NR3C2: variants seen among roughly 807,000 people sequenced by gnomAD.
NR3C2 encodes nuclear receptor subfamily 3 group C member 2, also known as mineralocorticoid receptor.
Under a neutral mutation model 86.4 loss-of-function variants are expected in NR3C2, and 15 were observed. That is an observed-to-expected ratio of 0.17 (90% CI 0.12 to 0.27). The LOEUF (loss-of-function observed/expected upper bound fraction) is 0.27, where lower values mean the gene tolerates loss of function less well. Ranked by LOEUF, NR3C2 falls within the 10% of genes least tolerant of loss-of-function variation. NR3C2 has a pLI of 1.00. For synonymous variants in NR3C2, 458 were observed against 450.5 expected, an observed-to-expected ratio of 1.02 and a Z score of -0.21; for missense variants, 960 against 1,195.6, an observed-to-expected ratio of 0.80 and a Z score of 2.91.
At chr4:148,085,472 C>A (rs1307722221) in intron 8 of NR3C2, among the ~76,000 whole-genome samples, 2 of 152,246 alleles carry the variant, frequency 1.3e-5, no homozygotes, top group African/African-American at 4.8e-5. Flanking sequence ...GTACCAGAAT[C>A]TGTGGGACAC....
intron 2 of NR3C2, among the ~76,000 whole-genome samples, chr4:148,312,422 C>T (rs1242332093): frequency 6.6e-6 from 1 of 152,122 alleles, no homozygotes; most frequent in African/African-American, 2.4e-5. Flanking sequence ...TCAGCAAATG[C>T]TAAAAATCAG....
chr4:148,232,995 T>G (rs1334762102), intron 3 of NR3C2, among the ~76,000 whole-genome samples: 3 of 152,224 alleles, frequency 2.0e-5, no homozygotes. Context: ...AGCTTTGGCT[T>G]AAGAGAATGT....
Position 148,210,906 on chromosome 4 carries a change from A to C in NR3C2, c.1898-16044T>G, listed in dbSNP as rs1437894500. ...CTTCCCTCATCTGTACAATGTAGAT[A>C]TGAGATTAATCTCTATTGCCCTGTG... On this transcript the variant is annotated intron_variant, in intron 3 of 8. Transcript: ENST00000358102. Among the ~76,000 whole-genome samples, 4 of 152,242 alleles carry C rather than the reference A, an allele frequency of 2.6e-5. No homozygotes were observed. In the East Asian group the frequency reaches 7.7e-4, roughly 29 times the overall value.
At chr4:148,192,894 G>T (rs1334432855) in intron 4 of NR3C2, among the ~76,000 whole-genome samples, 1 of 152,044 alleles carries the variant, frequency 6.6e-6, no homozygotes, top group African/African-American at 2.4e-5. Context: ...ACTTGCCCAA[G>T]GCTATCTGCC....
chr4:148,138,283 C>G (rs1733445175), intron 6 of NR3C2, among the ~76,000 whole-genome samples: 1 of 152,210 alleles, frequency 6.6e-6, no homozygotes, highest in African/African-American at 2.4e-5. Context: ...GGAAGAAAAA[C>G]AGATACGGAG....
At chr4:148,184,294 C>CAA (rs35947630) in intron 4 of NR3C2, among the ~76,000 whole-genome samples, 1 of 141,280 alleles carries the variant, frequency 7.1e-6, no homozygotes, top group Non-Finnish European at 1.5e-5. Flanking sequence ...ACTAAAAATA[C>CAA]AAAAAAAAAA....
At chr4:148,188,765 C>A (rs953923345) in intron 4 of NR3C2, among the ~76,000 whole-genome samples, 1 of 152,114 alleles carries the variant, frequency 6.6e-6, no homozygotes, top group East Asian at 1.9e-4. Flanking sequence ...ACTTCCAGTA[C>A]TATGTTGAAG....
In NR3C2 at chr4:148,080,932, G is replaced by A. The variant is rs17024360; in HGVS notation, c.*412C>T. On this transcript the variant is annotated 3_prime_UTR_variant, in exon 9 of 9. Coordinates refer to ENST00000358102, the MANE Select transcript of NR3C2 (RefSeq NM_000901.5). Reference sequence around the variant, plus strand: ...TATTAATGCCCCATATTGACTATACGTTTTATGTGCAAACCAAGGGTAAGC... The same window carrying A: ...TATTAATGCCCCATATTGACTATACATTTTATGTGCAAACCAAGGGTAAGC... 2,702 of 317,988 alleles carry A rather than the reference G, an allele frequency of 8.5e-3. 68 individuals are homozygous for A. The highest frequency in any genetic ancestry group is 0.053 in the African/African-American group (2,459 of 46,364). The allele number at this position is 317,988 out of a possible 1,614,324, so 19.7% of individuals were successfully genotyped here.
intron 2 of NR3C2, among the ~76,000 whole-genome samples, chr4:148,275,690 A>T (rs1235715803): frequency 1.3e-5 from 2 of 152,180 alleles, no homozygotes; most frequent in African/African-American, 4.8e-5. Context: ...TTGGCCTCTC[A>T]AGGTGCTGGG....
chr4:148,436,830 C>T lies in NR3C2; in HGVS notation c.31G>A (p.Glu11Lys), dbSNP rs374014545. ...CACCGTCTTTCCATATCTAGACCTTCAGGGAGACTGTGGTAGCCTTTGGTC... is the reference window on the plus strand; with the variant it reads ...CACCGTCTTTCCATATCTAGACCTTTAGGGAGACTGTGGTAGCCTTTGGTC... Reference protein sequence around the residue: METKGYHSLPEGLDMERRWGQ... With the variant: METKGYHSLPKGLDMERRWGQ... The change falls in exon 2 of 9, where the codon GAA becomes AAA. Residue 11 changes from glutamate to lysine, a missense_variant. Glu to Lys is a moderately conservative substitution (Grantham distance 56, BLOSUM62 1). Coordinates refer to ENST00000358102, the MANE Select transcript of NR3C2 (RefSeq NM_000901.5). 3.7e-5 allele frequency: 60 copies of T among 1,611,662 alleles called. No homozygotes were observed. Among genetic ancestry groups the T allele is most frequent in the Non-Finnish European group, 4.9e-5 (58 of 1,179,994 alleles).
At chr4:148,085,507 A>G in intron 8 of NR3C2, among the ~76,000 whole-genome samples, 1 of 152,262 alleles carries the variant, frequency 6.6e-6, no homozygotes, top group Non-Finnish European at 1.5e-5. Context: ...TCAGACGGAA[A>G]TTTATAGCAC....
chr4:148,339,577 C>T (rs945938114), intron 2 of NR3C2, among the ~76,000 whole-genome samples: 11 of 152,036 alleles, frequency 7.2e-5, no homozygotes, highest in African/African-American at 2.7e-4. Flanking sequence ...TGCATAATTA[C>T]AACTTAAAAT....
chr4:148,422,745 A>G (rs940236774), intron 2 of NR3C2, among the ~76,000 whole-genome samples: 2 of 152,218 alleles, frequency 1.3e-5, no homozygotes, highest in African/African-American at 4.8e-5. Context: ...CTGCCAAACC[A>G]GTAGTTGGCT....
chr4:148,387,538 T>C (rs1747327581), intron 2 of NR3C2, among the ~76,000 whole-genome samples: 2 of 152,234 alleles, frequency 1.3e-5, no homozygotes, highest in African/African-American at 4.8e-5. Flanking sequence ...CTCAATTGTA[T>C]GCTTCAAATT....
intron 2 of NR3C2, among the ~76,000 whole-genome samples, chr4:148,330,758 T>A (rs1458982504): frequency 6.6e-6 from 1 of 152,180 alleles, no homozygotes; most frequent in African/African-American, 2.4e-5. Context: ...GTGCTGGAGT[T>A]GGGGCCTGGT....
chr4:148,173,591 A>C (rs1287948730), intron 4 of NR3C2, among the ~76,000 whole-genome samples: 2 of 152,258 alleles, frequency 1.3e-5, no homozygotes, highest in Non-Finnish European at 2.9e-5. Context: ...AGTTTAGCCC[A>C]GGCTGACTCA....
At chr4:148,223,667 T>C (rs532603026) in intron 3 of NR3C2, among the ~76,000 whole-genome samples, 3 of 152,212 alleles carry the variant, frequency 2.0e-5, no homozygotes, top group African/African-American at 4.8e-5. Flanking sequence ...ACAACCTGAA[T>C]TGGAAGAAAG....
At chr4:148,136,036 G>A (rs1473042244) in intron 6 of NR3C2, among the ~76,000 whole-genome samples, 6 of 86,744 alleles carry the variant, frequency 6.9e-5, no homozygotes, top group African/African-American at 2.6e-4. Flanking sequence ...CAGCCTGGGC[G>A]ACAGAGCGAG....
intron 4 of NR3C2, among the ~76,000 whole-genome samples, chr4:148,158,651 A>C (rs1469435551): frequency 1.3e-5 from 2 of 152,220 alleles, no homozygotes; most frequent in East Asian, 3.8e-4. Context: ...TTCAAATTTT[A>C]TTAAAAGTGA....
Sources: gnomAD v4.1 joint callset for allele counts (sites outside exome capture counted in the v4.1 genomes callset) on GRCh38, gnomAD v4.1.1 for gene constraint, MANE v1.5 for transcripts, NCBI Gene and HGNC (gene_info 2026-07-23, HGNC 2026-07-21) for gene names.